Variants in TMTC3 observed in about 807,000 individuals in gnomAD.
TMTC3 encodes the protein transmembrane O-mannosyltransferase targeting cadherins 3.
Under a neutral mutation model 92.2 loss-of-function variants are expected in TMTC3, and 52 were observed. That is an observed-to-expected ratio of 0.56 (90% CI 0.45 to 0.71). TMTC3 has a LOEUF of 0.71. TMTC3 is among the 30% of genes least tolerant of loss of function. The pLI, the probability that TMTC3 is intolerant of heterozygous loss-of-function variation, is 0.00. For synonymous variants in TMTC3, 339 were observed against 363.3 expected (o/e 0.93, Z 0.76); for missense variants, 896 against 1,057.1 (o/e 0.85, Z 2.11).
chr12:88,157,386 T>G (rs1188590452), intron 4 of TMTC3, among the ~76,000 whole-genome samples: 1 of 151,780 alleles, frequency 6.6e-6, no homozygotes, highest in Non-Finnish European at 1.5e-5. Flanking sequence ...CATTTTAACT[T>G]CTATATTCAT....
intron 4 of TMTC3, among the ~76,000 whole-genome samples, chr12:88,156,521 G>A (rs773627453): frequency 6.6e-6 from 1 of 152,106 alleles, no homozygotes; most frequent in Non-Finnish European, 1.5e-5. Flanking sequence ...CTGCCTAGGA[G>A]TGATTGGTTG....
At chr12:88,177,491 T>A (rs2041272811) in intron 10 of TMTC3, among the ~76,000 whole-genome samples, 1 of 152,124 alleles carries the variant, frequency 6.6e-6, no homozygotes, top group Non-Finnish European at 1.5e-5. Flanking sequence ...CCACAGAATC[T>A]AAGCTGGTTA....
Position 88,194,966 on chromosome 12 carries a change from G to C in TMTC3, c.2062G>C (p.Glu688Gln). ...GGATGACAAAAAGGACAATGAAGCA[G>C]AGATTTGGATGAAGAAAGCCATAAA... ...AMDDKKDNEAEIWMKKAIKLQ... is the reference protein window; with the variant it reads ...AMDDKKDNEAQIWMKKAIKLQ... The change falls in exon 14 of 14, where the codon GAG becomes CAG. Residue 688 changes from glutamate to glutamine, a missense_variant. Glu to Gln is a conservative substitution (Grantham distance 29). Transcript: ENST00000266712. 1 of 1,613,838 alleles carries C rather than the reference G, an allele frequency of 6.2e-7. No homozygotes were observed. Among genetic ancestry groups the C allele is most frequent in the Non-Finnish European group, 8.5e-7 (1 of 1,179,910 alleles).
At chr12:88,174,361 CAG>C (rs1469555445) in intron 8 of TMTC3, among the ~76,000 whole-genome samples, 1 of 151,864 alleles carries the variant, frequency 6.6e-6, no homozygotes, top group Non-Finnish European at 1.5e-5. Context: ...TTATTTTAAA[CAG>C]AGCTTTTGAA....
intron 6 of TMTC3, among the ~76,000 whole-genome samples, chr12:88,164,577 AT>A (rs745375549): frequency 2.0e-5 from 3 of 152,194 alleles, no homozygotes; most frequent in Non-Finnish European, 4.4e-5. Context: ...GATATAGTGA[AT>A]TTTAAGTCTG....
intron 2 of TMTC3, among the ~76,000 whole-genome samples, chr12:88,149,604 T>C (rs902187867): frequency 1.3e-5 from 2 of 152,152 alleles, no homozygotes; most frequent in Non-Finnish European, 2.9e-5. Flanking sequence ...CACATAGATA[T>C]TGAATAAATT....
rs894033286 is a variant in TMTC3, at chr12:88,198,636, T to C, written c.*2987T>C. ...TTTACTTTTATGTAAAAATTTGATATGTGAATTACACAGTTCTAATAAAAC... is the reference window on the plus strand; with the variant it reads ...TTTACTTTTATGTAAAAATTTGATACGTGAATTACACAGTTCTAATAAAAC... On this transcript the variant is annotated 3_prime_UTR_variant, in exon 14 of 14. Coordinates refer to ENST00000266712, the MANE Select transcript of TMTC3 (RefSeq NM_181783.4). 1.2e-4 allele frequency: 47 copies of C among 380,504 alleles called. 1 individual carries two copies. The highest frequency in any genetic ancestry group is 1.3e-3 in the Middle Eastern group (2 of 1,508). 23.6% of individuals were successfully genotyped at this position (380,504 alleles called of 1,614,324 possible).
intron 4 of TMTC3, among the ~76,000 whole-genome samples, chr12:88,155,640 A>G (rs189435101): frequency 1.3e-5 from 2 of 152,238 alleles, no homozygotes; most frequent in East Asian, 3.9e-4. Flanking sequence ...TCATTTATAC[A>G]CTATTCTATA....
rs1017823569 is a variant in TMTC3 at position 88,198,613 on chromosome 12, T to C, written c.*2964T>C. The C allele has an allele frequency of 2.3e-5, 9 of 388,376 alleles. No homozygotes were observed. The highest frequency in any genetic ancestry group is 4.4e-5 in the Admixed American group (1 of 22,524). The allele number at this position is 388,376 out of a possible 1,614,324, so 24.1% of individuals were successfully genotyped here. On this transcript the variant is annotated 3_prime_UTR_variant, in exon 14 of 14. Transcript: ENST00000266712. ...TTTGCTTTTCAATTTTGTGTTTGTTTACTTTTATGTAAAAATTTGATATGT... is the reference window on the plus strand; with the variant it reads ...TTTGCTTTTCAATTTTGTGTTTGTTCACTTTTATGTAAAAATTTGATATGT...
At chr12:88,144,772 A>G (rs1030934278) in intron 1 of TMTC3, among the ~76,000 whole-genome samples, 4 of 152,208 alleles carry the variant, frequency 2.6e-5, no homozygotes, top group South Asian at 4.1e-4. Context: ...GAACAAGTCA[A>G]CTAAGTTTTT....
At chr12:88,169,169 A>G (rs1439509122) in intron 7 of TMTC3, among the ~76,000 whole-genome samples, 1 of 152,232 alleles carries the variant, frequency 6.6e-6, no homozygotes, top group Non-Finnish European at 1.5e-5. Flanking sequence ...AGAAACCTAG[A>G]AATCCCAAAC....
At chr12:88,185,806 G>T (rs1233456950) in intron 10 of TMTC3, among the ~76,000 whole-genome samples, 1 of 151,536 alleles carries the variant, frequency 6.6e-6, no homozygotes, top group African/African-American at 2.4e-5. Flanking sequence ...TGATGATAAG[G>T]TTTTTATTTT....
intron 9 of TMTC3, 45 bp downstream of exon 9, chr12:88,174,772 T>G (rs762854319): frequency 3.7e-5 from 60 of 1,606,710 alleles, no homozygotes; most frequent in Non-Finnish European, 4.7e-5. Flanking sequence ...CATCAGTGAT[T>G]TCTTGGAACA....
Position 88,166,560 on chromosome 12 carries a change from A to AT in TMTC3, c.1030dup (p.Ser344PhefsTer60), listed in dbSNP as rs768362146. The AT allele has an allele frequency of 1.2e-6, 2 of 1,613,630 alleles. No homozygotes were observed. Among genetic ancestry groups the AT allele is most frequent in the Non-Finnish European group, 8.5e-7 (1 of 1,179,846 alleles). On this transcript the variant is annotated frameshift_variant, in exon 7 of 14. Coordinates refer to ENST00000266712, the MANE Select transcript of TMTC3 (RefSeq NM_181783.4). LOFTEE classifies it high-confidence loss of function. ...GTATTCAGTATCAGATACTCTGGTG[A>AT]TTCCTCCAAGACTGTTTTAATGGTA... is the stretch of plus-strand genomic sequence containing the variant.
Position 88,166,401 on chromosome 12 carries a change from A to T in TMTC3, c.869A>T (p.Asn290Ile). The change falls in exon 7 of 14, where the codon AAT becomes ATT. Residue 290 changes from asparagine to isoleucine, a missense_variant. Physicochemically the swap from Asn to Ile is moderately radical, Grantham distance 149 (BLOSUM62 -3). Transcript: ENST00000266712. Reference sequence around the variant, plus strand: ...ACTTTTAACTACCTCCTTCCTGTGAATGCTTGGTTGTTATTAAATCCTTCA... The same window carrying T: ...ACTTTTAACTACCTCCTTCCTGTGATTGCTTGGTTGTTATTAAATCCTTCA... ...QLTFNYLLPV[N>I]AWLLLNPSEL... The T allele has an allele frequency of 6.2e-7, 1 of 1,613,936 alleles. No homozygotes were observed.
chr12:88,153,832 T>TA (rs2040974125), intron 3 of TMTC3, among the ~76,000 whole-genome samples: 2 of 152,248 alleles, frequency 1.3e-5, no homozygotes, highest in African/African-American at 4.8e-5. Context: ...AAGGACTATT[T>TA]AAAGTTTATT....
At chr12:88,171,561 T>C (rs1173814302) in intron 7 of TMTC3, among the ~76,000 whole-genome samples, 3 of 152,164 alleles carry the variant, frequency 2.0e-5, no homozygotes, top group Non-Finnish European at 2.9e-5. Context: ...AATAGTATTC[T>C]AAAGTGTATA....
At chr12:88,175,419 C>A (rs1270294377) in intron 9 of TMTC3, among the ~76,000 whole-genome samples, 1 of 152,106 alleles carries the variant, frequency 6.6e-6, no homozygotes, top group Non-Finnish European at 1.5e-5. Flanking sequence ...TGGACTGTTT[C>A]TTAACTCTTC....
intron 6 of TMTC3, among the ~76,000 whole-genome samples, chr12:88,164,703 C>A (rs1404399629): frequency 6.6e-6 from 1 of 152,144 alleles, no homozygotes; most frequent in African/African-American, 2.4e-5. Flanking sequence ...ATTGCCATTA[C>A]ATGCAAGAAC....
Sources: allele counts gnomAD v4.1 joint callset (sites outside exome capture counted in the v4.1 genomes callset), GRCh38; gene constraint gnomAD v4.1.1; transcripts MANE v1.5; gene names NCBI Gene and HGNC (gene_info 2026-07-23, HGNC 2026-07-21).